The following UBE3D variants were observed in gnomAD, a reference collection of about 807,000 sequenced individuals.
The protein encoded by UBE3D is ubiquitin protein ligase E3D.
A neutral mutation model predicts 49.6 loss-of-function variants in UBE3D; 48 were observed. That is an observed-to-expected ratio of 0.97 (90% CI 0.77 to 1.23). The LOEUF is 1.23. Among genes scored for constraint, UBE3D ranks in the 50% most tolerant of loss-of-function variants. The pLI is 0.00. For synonymous variants in UBE3D, 189 were observed against 174.2 expected (o/e 1.08, Z -0.67); for missense variants, 452 against 468.4 (o/e 0.96, Z 0.32).
At chr6:82,965,551 C>A (rs1372929555) in intron 8 of UBE3D, among the ~76,000 whole-genome samples, 1 of 144,706 alleles carries the variant, frequency 6.9e-6, no homozygotes, top group African/African-American at 2.6e-5. Context: ...CCATTGTCCT[C>A]CAGCCTGGAC....
chr6:83,005,698 C>A (rs190006653), intron 8 of UBE3D, among the ~76,000 whole-genome samples: 19 of 151,520 alleles, frequency 1.3e-4, no homozygotes, highest in African/African-American at 4.6e-4. Context: ...ATGTTCATAG[C>A]AGCACTATGC....
At chr6:83,028,835 G>A (rs562314949) in intron 5 of UBE3D, among the ~76,000 whole-genome samples, 1 of 152,058 alleles carries the variant, frequency 6.6e-6, no homozygotes, top group East Asian at 1.9e-4. Flanking sequence ...TATTTATTTG[G>A]AAACATCCTT....
Position 82,978,672 on chromosome 6 carries a change from G to A in UBE3D, c.1011-21222C>T, listed in dbSNP as rs1044077299. On this transcript the variant is annotated intron_variant, in intron 8 of 9. Coordinates refer to ENST00000369747, the MANE Select transcript of UBE3D (RefSeq NM_198920.3). Reference sequence around the variant, plus strand: ...TCAGTATTTCAAATGATTTAAATCAGTCTATTATGATAAATCACCATGAAG... The same window carrying A: ...TCAGTATTTCAAATGATTTAAATCAATCTATTATGATAAATCACCATGAAG... 3.9e-5 allele frequency among the ~76,000 whole-genome samples: 6 copies of A among 152,116 alleles called. No individual in the cohort carries two copies. In the East Asian group the frequency reaches 1.2e-3, roughly 29 times the overall value.
intron 1 of UBE3D, among the ~76,000 whole-genome samples, chr6:83,059,324 C>T (rs1464850051): frequency 6.6e-6 from 1 of 152,144 alleles, no homozygotes; most frequent in Non-Finnish European, 1.5e-5. Context: ...CAGGAGGCTG[C>T]AGTGAGCCAT....
Position 82,892,880 on chromosome 6 carries a change from C to G in UBE3D, c.*142G>C, listed in dbSNP as rs1771037528. On this transcript the variant is annotated 3_prime_UTR_variant, in exon 10 of 10. Coordinates refer to ENST00000369747, the MANE Select transcript of UBE3D (RefSeq NM_198920.3). ...TAGAGAATACATGCAAACAAGTAAA[C>G]TTAAAACTTCAATGCAATGCTCTTA... The G allele has an allele frequency of 4.1e-5, 41 of 1,000,500 alleles. No homozygotes were observed. The South Asian group carries it at 5.4e-4, about 13-fold the overall frequency. 62.0% of individuals were successfully genotyped at this position (1,000,500 alleles called of 1,614,324 possible). A position where few individuals can be genotyped will look rare whatever the true frequency, so the allele number is the denominator to read the frequency against.
chr6:83,049,258 A>G lies in UBE3D; in HGVS notation c.366-4599T>C, dbSNP rs140385914. Among the ~76,000 whole-genome samples, 560 of 152,300 alleles carry G rather than the reference A, an allele frequency of 3.7e-3. 3 individuals carry two copies. Among genetic ancestry groups the G allele is most frequent in the African/African-American group, 0.013 (528 of 41,578 alleles). ...AATAACAATGGTAATAACAGCTTCT[A>G]CAGACTGGATTATAATCAAGTGGAC... On this transcript the variant is annotated intron_variant, in intron 3 of 9. Coordinates refer to ENST00000369747, the MANE Select transcript of UBE3D (RefSeq NM_198920.3).
rs138544582 is a variant in UBE3D at position 82,935,778 on chromosome 6, C to T, written c.1149+21534G>A. 3.6e-3 allele frequency among the ~76,000 whole-genome samples: 540 copies of T among 151,930 alleles called. 4 individuals are homozygous for T. The highest frequency in any genetic ancestry group is 9.3e-3 in the African/African-American group (384 of 41,428). Reference sequence around the variant, plus strand: ...GGCAATGAGTGATAGATCTTCAAAGCGAAAAGGGGTATAGAATTCTATACT... The same window carrying T: ...GGCAATGAGTGATAGATCTTCAAAGTGAAAAGGGGTATAGAATTCTATACT... On this transcript the variant is annotated intron_variant, in intron 9 of 9. Coordinates refer to ENST00000369747, the MANE Select transcript of UBE3D (RefSeq NM_198920.3).
intron 9 of UBE3D, among the ~76,000 whole-genome samples, chr6:82,948,606 G>T (rs1245712157): frequency 6.6e-6 from 1 of 151,752 alleles, no homozygotes; most frequent in African/African-American, 2.4e-5. Flanking sequence ...TATTGATTTA[G>T]AATTATCAAT....
the UBE3D span, among the ~76,000 whole-genome samples, chr6:82,885,413 A>G: frequency 6.6e-6 from 1 of 152,160 alleles, no homozygotes; most frequent in Non-Finnish European, 1.5e-5. Flanking sequence ...TAGAATAATC[A>G]CTGTATCTAA....
intron 9 of UBE3D, among the ~76,000 whole-genome samples, chr6:82,954,127 T>G (rs1340178238): frequency 2.6e-5 from 4 of 152,202 alleles, no homozygotes; most frequent in Non-Finnish European, 5.9e-5. Context: ...TTGGCCAAGA[T>G]AAGGAGTTTG....
chr6:82,942,663 G>C (rs1408149747), intron 9 of UBE3D, among the ~76,000 whole-genome samples: 1 of 152,230 alleles, frequency 6.6e-6, no homozygotes, highest in Non-Finnish European at 1.5e-5. Flanking sequence ...AGCCCTGGTG[G>C]CTTACATGTG....
At chr6:83,025,043 T>C (rs1391425802) in intron 5 of UBE3D, among the ~76,000 whole-genome samples, 1 of 152,200 alleles carries the variant, frequency 6.6e-6, no homozygotes, top group Non-Finnish European at 1.5e-5. Context: ...AGGCTTGCTA[T>C]CTAATTCACT....
chr6:83,065,786 A>G lies in UBE3D; in HGVS notation c.-68T>C. On this transcript the variant is annotated 5_prime_UTR_variant, in exon 1 of 10. Transcript: ENST00000369747. ...AGGGGCCCGGGTCAACAGGACCAGG[A>G]GAGGTTCCACGTGCGGACCAACCAG... is the stretch of plus-strand genomic sequence containing the variant. 6.7e-7 allele frequency: 1 copy of G among 1,501,350 alleles called. No homozygotes were observed. The highest frequency in any genetic ancestry group is 9.1e-7 in the Non-Finnish European group (1 of 1,101,006). The allele number at this position is 1,501,350 out of a possible 1,614,324, so 93.0% of individuals were successfully genotyped here. A position where few individuals can be genotyped will look rare whatever the true frequency, so the allele number is the denominator to read the frequency against.
intron 9 of UBE3D, among the ~76,000 whole-genome samples, chr6:82,952,275 G>A (rs1775857439): frequency 6.6e-6 from 1 of 152,000 alleles, no homozygotes; most frequent in Admixed American, 6.6e-5. Context: ...TTCTGCACCT[G>A]TAAAATGTAA....
chr6:82,956,108 T>C (rs62430493), intron 9 of UBE3D, among the ~76,000 whole-genome samples: 3 of 152,206 alleles, frequency 2.0e-5, no homozygotes, highest in Admixed American at 6.5e-5. Context: ...GTATGATTCA[T>C]AGGAAAATCC....
intron 5 of UBE3D, among the ~76,000 whole-genome samples, chr6:83,034,600 C>T (rs964360369): frequency 5.3e-5 from 8 of 151,978 alleles, no homozygotes; most frequent in Non-Finnish European, 1.0e-4. Context: ...CCATCTCCCC[C>T]GTCTCACGAT....
At chr6:82,985,871 G>T (rs1251970391) in intron 8 of UBE3D, among the ~76,000 whole-genome samples, 1 of 151,976 alleles carries the variant, frequency 6.6e-6, no homozygotes, top group Non-Finnish European at 1.5e-5. Context: ...TGTTCCAATG[G>T]TTTGTCTATT....
intron 9 of UBE3D, among the ~76,000 whole-genome samples, chr6:82,919,872 C>T (rs938568413): frequency 1.3e-5 from 2 of 152,066 alleles, no homozygotes; most frequent in African/African-American, 4.8e-5. Flanking sequence ...GAAAAACACA[C>T]AGACATTGTG....
intron 9 of UBE3D, among the ~76,000 whole-genome samples, chr6:82,916,398 A>G (rs917357238): frequency 2.6e-5 from 4 of 152,256 alleles, no homozygotes; most frequent in Admixed American, 6.5e-5. Context: ...AATACATCTT[A>G]ACTACTATTA....
Sources: allele counts gnomAD v4.1 joint callset (sites outside exome capture counted in the v4.1 genomes callset), GRCh38; gene constraint gnomAD v4.1.1; transcripts MANE v1.5; gene names NCBI Gene and HGNC (gene_info 2026-07-23, HGNC 2026-07-21).